Variants in AGAP3 observed in about 807,000 individuals in gnomAD.
AGAP3 encodes the protein ArfGAP with GTPase domain, ankyrin repeat and PH domain 3, also known as arf-GAP with GTPase, ANK repeat and PH domain-containing protein 3.
AGAP3 carries 24 observed loss-of-function variants against 96.9 expected under a neutral mutation model. The observed-to-expected ratio is 0.25, with a 90% CI of 0.18 to 0.35. AGAP3 has a LOEUF of 0.35. Ranked by LOEUF, AGAP3 falls within the 10% of genes least tolerant of loss-of-function variation. The pLI, the probability that AGAP3 is intolerant of heterozygous loss-of-function variation, is 1.00. For missense variants in AGAP3, 876 were observed against 1,254.2 expected (o/e 0.70, Z 4.55); for synonymous variants, 563 against 536.1 (o/e 1.05, Z -0.69).
chr7:151,134,334 C>T (rs1800509891), intron 10 of AGAP3, 66 bp from the exon 11 acceptor site: 2 of 1,569,912 alleles, frequency 1.3e-6, no homozygotes, highest in Non-Finnish European at 1.7e-6. Flanking sequence ...CTAGGAGTTG[C>T]AAGGCTCAAC....
Position 151,142,189 on chromosome 7 carries a change from T to G in AGAP3, c.1986T>G (p.Ala662=). 1 of 1,613,848 alleles carries G rather than the reference T, an allele frequency of 6.2e-7. No individual in the cohort carries two copies. Residue 662 remains alanine (A), a synonymous_variant, in exon 15 of 18, where the codon GCT becomes GCG. Coordinates refer to ENST00000397238, the MANE Select transcript of AGAP3 (RefSeq NM_031946.7). The surrounding 1 kb of genome is among the most constrained non-coding windows in gnomAD (Gnocchi z 7.5). ...DKTRLGNQNA[A]LAVQAVRTVR... Reference sequence around the variant, plus strand: ...CTCGACTGGGGAACCAGAACGCAGCTCTGGCTGTGCAGGCCGTCCGCACCG... The same window carrying G: ...CTCGACTGGGGAACCAGAACGCAGCGCTGGCTGTGCAGGCCGTCCGCACCG...
intron 9 of AGAP3, among the ~76,000 whole-genome samples, chr7:151,126,837 A>C (rs910352456): frequency 5.3e-5 from 8 of 152,222 alleles, no homozygotes; most frequent in African/African-American, 1.7e-4. Context: ...TAGTTTTCAG[A>C]AACCCCTTTT....
At position 151,143,273 on chromosome 7, in the gene AGAP3, C is replaced by T. The variant is rs1169416197; in HGVS notation, c.2274-68C>T. 2 of 1,530,304 alleles carry T rather than the reference C, an allele frequency of 1.3e-6. No individual in the cohort carries two copies. Among genetic ancestry groups the T allele is most frequent in the African/African-American group, 2.8e-5 (2 of 72,258 alleles). The allele number at this position is 1,530,304 out of a possible 1,614,324, so 94.8% of individuals were successfully genotyped here. On this transcript the variant is annotated intron_variant, in intron 16 of 17. Coordinates refer to ENST00000397238, the MANE Select transcript of AGAP3 (RefSeq NM_031946.7). The surrounding 1 kb of genome is among the most constrained non-coding windows in gnomAD (Gnocchi z 5.9). ...GGGTGCTCGCTTCCTTTCCTGCCCACCTTCCTGGCCCCACCCGTTGCTCGG... is the reference window on the plus strand; with the variant it reads ...GGGTGCTCGCTTCCTTTCCTGCCCATCTTCCTGGCCCCACCCGTTGCTCGG...
chr7:151,129,711 C>T (rs916109236), intron 10 of AGAP3, among the ~76,000 whole-genome samples: 1 of 151,742 alleles, frequency 6.6e-6, no homozygotes, highest in Non-Finnish European at 1.5e-5. Context: ...CTCCCCACCG[C>T]GGGCACAGAC....
In AGAP3 at chr7:151,140,366, GAC is replaced by G; in HGVS notation, c.1804+252_1804+253del. On this transcript the variant is annotated intron_variant, in intron 13 of 17. Coordinates refer to ENST00000397238, the MANE Select transcript of AGAP3 (RefSeq NM_031946.7). This position sits in a 1 kb window ranked among gnomAD's most constrained non-coding sequence, Gnocchi z 5.4. ...TACTTCATTTATTCTTAAGGTAAAA[GAC>G]AGCAGACTGCTACATCAATAGCTCC... 2.9e-6 allele frequency: 1 copy of G among 340,900 alleles called. No individual in the cohort carries two copies. The highest frequency in any genetic ancestry group is 5.6e-5 in the East Asian group (1 of 17,988). 21.1% of individuals were successfully genotyped at this position (340,900 alleles called of 1,614,324 possible). A position where few individuals can be genotyped will look rare whatever the true frequency, so the allele number is the denominator to read the frequency against.
rs1038063091 is a variant in AGAP3, at chr7:151,118,904, G to A, written c.969+272G>A. On this transcript the variant is annotated intron_variant, in intron 7 of 17. Coordinates refer to ENST00000397238, the MANE Select transcript of AGAP3 (RefSeq NM_031946.7). This position sits in a 1 kb window ranked among gnomAD's most constrained non-coding sequence, Gnocchi z 6.1. Reference sequence around the variant, plus strand: ...TTCCACAGCCTGCATTCCCTACCCCGATGCCCTCTGCTGAAAGTCCTGGGC... The same window carrying A: ...TTCCACAGCCTGCATTCCCTACCCCAATGCCCTCTGCTGAAAGTCCTGGGC... 1.3e-5 allele frequency among the ~76,000 whole-genome samples: 2 copies of A among 152,072 alleles called. No homozygotes were observed. The highest frequency in any genetic ancestry group is 4.8e-5 in the African/African-American group (2 of 41,388).
chr7:151,129,554 C>G (rs1280251432), intron 10 of AGAP3, among the ~76,000 whole-genome samples: 1 of 152,218 alleles, frequency 6.6e-6, no homozygotes. Context: ...GGTCCTCCCC[C>G]TCAGCTCAGG....
chr7:151,122,575 T>TTCCTCGTCCTTCTCCTCC lies in AGAP3; in HGVS notation c.1129-1213_1129-1196dup, dbSNP rs1434773994. The TTCCTCGTCCTTCTCCTCC allele has an allele frequency of 5.8e-6, 5 of 859,238 alleles. No individual in the cohort carries two copies. The East Asian group carries it at 8.1e-5, about 14-fold the overall frequency. 53.2% of individuals were successfully genotyped at this position (859,238 alleles called of 1,614,324 possible). ...CCTCCTCCTCCTTGTCCTTCTCCTC[T>TTCCTCGTCCTTCTCCTCC]TCCTCGTCCTTCTCCTCCTCCTCCT... On this transcript the variant is annotated intron_variant, in intron 8 of 17. Coordinates refer to ENST00000397238, the MANE Select transcript of AGAP3 (RefSeq NM_031946.7).
chr7:151,116,918 C>G (rs1333214519), intron 2 of AGAP3, 67 bp downstream of exon 2: 1 of 1,594,836 alleles, frequency 6.3e-7, no homozygotes, highest in Non-Finnish European at 8.6e-7. Context: ...TGCCGCGGGC[C>G]TGGGCCTTGC....
intron 9 of AGAP3, among the ~76,000 whole-genome samples, chr7:151,126,083 C>CCGGT (rs1386724581): frequency 7.5e-5 from 11 of 145,932 alleles, no homozygotes; most frequent in Non-Finnish European, 1.1e-4. Flanking sequence ...GCTGAGCGGC[C>CCGGT]CGGTCGTTCC....
At chr7:151,086,006 C>T (rs1798129294), upstream of AGAP3, 1 of 152,460 alleles carries the variant, frequency 6.6e-6, no homozygotes, top group Admixed American at 6.5e-5. Flanking sequence ...GAAGGCGGGA[C>T]GCTGTAAGCG....
intron 8 of AGAP3, chr7:151,120,618 G>C (rs1413840948): frequency 1.5e-6 from 2 of 1,294,032 alleles, no homozygotes; most frequent in Non-Finnish European, 2.0e-6. Context: ...TCGCCTTCCG[G>C]CTCTTTTTCC....
chr7:151,117,681 G>A lies in AGAP3; in HGVS notation c.610G>A (p.Asp204Asn). ...DAVVFVFSLE[D>N]EISFQTVYNY... Reference sequence around the variant, plus strand: ...AGTGGTGTTTGTGTTCAGCCTGGAGGATGAAATCAGTTTCCAGACGGTGTA... The same window carrying A: ...AGTGGTGTTTGTGTTCAGCCTGGAGAATGAAATCAGTTTCCAGACGGTGTA... Residue 204 changes from aspartate (D) to asparagine (N), a missense_variant, in exon 5 of 18, where the codon GAT becomes AAT. Coordinates refer to ENST00000397238, the MANE Select transcript of AGAP3 (RefSeq NM_031946.7). The A allele has an allele frequency of 1.9e-6, 3 of 1,614,220 alleles. No individual in the cohort carries two copies. Among genetic ancestry groups the A allele is most frequent in the Non-Finnish European group, 2.5e-6 (3 of 1,180,026 alleles).
chr7:151,091,549 G>A (rs532257292), intron 1 of AGAP3, among the ~76,000 whole-genome samples: 14 of 152,318 alleles, frequency 9.2e-5, no homozygotes, highest in East Asian at 1.9e-4. Context: ...TGGAGAGAAC[G>A]ACTCAGCCTG....
At position 151,139,986 on chromosome 7, in the gene AGAP3, C is replaced by T. The variant is rs376888768; in HGVS notation, c.1674C>T (p.Gly558=). 4 of 1,568,328 alleles carry T rather than the reference C, an allele frequency of 2.6e-6. No individual in the cohort carries two copies. Among genetic ancestry groups the T allele is most frequent in the Non-Finnish European group, 3.5e-6 (4 of 1,159,028 alleles). ...CAACTCTCCCCTCACCAGCCAGTGG[C>T]CCAGCTGAGGTACTCAGTTCCAGCC... ...LPPGMQHPAS[G]PAEVLSSSPK... is the part of the protein sequence containing the mutation. The change falls in exon 13 of 18, where the codon GGC becomes GGT. Residue 558 remains glycine, a synonymous_variant. Coordinates refer to ENST00000397238, the MANE Select transcript of AGAP3 (RefSeq NM_031946.7). The surrounding 1 kb of genome is among the most constrained non-coding windows in gnomAD (Gnocchi z 4.9).
intron 1 of AGAP3, among the ~76,000 whole-genome samples, chr7:151,102,784 T>G (rs1427136568): frequency 6.6e-6 from 1 of 151,888 alleles, no homozygotes; most frequent in African/African-American, 2.4e-5. Context: ...CCCAGCTAAT[T>G]TTTCTATTTT....
At chr7:151,119,767 T>C (rs1237725585) in intron 7 of AGAP3, among the ~76,000 whole-genome samples, 2 of 152,184 alleles carry the variant, frequency 1.3e-5, no homozygotes, top group Non-Finnish European at 2.9e-5. Context: ...GGACGAGGGT[T>C]TGCTGCCCTA....
Position 151,143,719 on chromosome 7 carries a change from A to C in AGAP3, c.2530-18A>C. The C allele has an allele frequency of 6.2e-7, 1 of 1,613,872 alleles. No homozygotes were observed. Among genetic ancestry groups the C allele is most frequent in the Non-Finnish European group, 8.5e-7 (1 of 1,179,834 alleles). ...CTCCCATGTCTTGCCAACTGTCAAC[A>C]TGTGTTTTCTCCTACAGTACGGGGT... is the stretch of plus-strand genomic sequence containing the variant. On this transcript the variant is annotated intron_variant, in intron 17 of 17. Transcript: ENST00000397238. The surrounding 1 kb of genome is among the most constrained non-coding windows in gnomAD (Gnocchi z 5.9).
At chr7:151,124,038 G>A (rs1329015201) in intron 9 of AGAP3, 152 bp downstream of exon 9, 5 of 790,308 alleles carry the variant, frequency 6.3e-6, no homozygotes, top group Non-Finnish European at 9.9e-6. Flanking sequence ...CAAGGGACTG[G>A]CTCTCCAGTG....
Sources: allele counts gnomAD v4.1 joint callset (sites outside exome capture counted in the v4.1 genomes callset), GRCh38; gene constraint gnomAD v4.1.1; non-coding constraint Gnocchi (gnomAD v3.1); transcripts MANE v1.5; gene names NCBI Gene and HGNC (gene_info 2026-07-23, HGNC 2026-07-21).